The following BRINP1 variants were observed in gnomAD, a reference collection of about 807,000 sequenced individuals.
BRINP1 encodes BMP/retinoic acid inducible neural specific 1, also known as BMP/retinoic acid-inducible neural-specific protein 1.
Under a neutral mutation model 72.9 loss-of-function variants are expected in BRINP1, and 17 were observed. The ratio of observed to expected loss-of-function variants is 0.23; its 90% CI spans 0.16 to 0.35. The LOEUF (loss-of-function observed/expected upper bound fraction) is 0.35. BRINP1 is among the 10% of genes least tolerant of loss of function. The pLI, the probability that BRINP1 is intolerant of heterozygous loss-of-function variation, is 1.00. For synonymous variants in BRINP1, 418 were observed against 378.5 expected, an observed-to-expected ratio of 1.10 and a Z score of -1.21; for missense variants, 850 against 1,001.6, an observed-to-expected ratio of 0.85 and a Z score of 2.04.
intron 1 of BRINP1, among the ~76,000 whole-genome samples, chr9:119,364,700 G>A (rs1831673465): frequency 6.6e-6 from 1 of 152,132 alleles, no homozygotes; most frequent in African/African-American, 2.4e-5. Context: ...AACCAACCTG[G>A]GCTTCACTTT....
intron 7 of BRINP1, among the ~76,000 whole-genome samples, chr9:119,208,122 AC>A (rs1829877922): frequency 6.6e-6 from 1 of 152,120 alleles, no homozygotes; most frequent in African/African-American, 2.4e-5. Flanking sequence ...CTAGCAGAAT[AC>A]CCGGTATATC....
intron 7 of BRINP1, among the ~76,000 whole-genome samples, chr9:119,199,034 A>G (rs1235471716): frequency 6.6e-6 from 1 of 152,188 alleles, no homozygotes; most frequent in Non-Finnish European, 1.5e-5. Context: ...TTTCCCATAT[A>G]TCATATGAAT....
intron 3 of BRINP1, among the ~76,000 whole-genome samples, chr9:119,244,501 T>C (rs1830292564): frequency 6.6e-6 from 1 of 151,954 alleles, no homozygotes; most frequent in African/African-American, 2.4e-5. Flanking sequence ...AGTGGATGGG[T>C]GTATAGATGA....
At chr9:119,279,751 A>C (rs972934284) in intron 2 of BRINP1, among the ~76,000 whole-genome samples, 1 of 152,240 alleles carries the variant, frequency 6.6e-6, no homozygotes, top group African/African-American at 2.4e-5. Flanking sequence ...CATGCTTAAA[A>C]TGTTTGCATG....
At chr9:119,277,845 AT>A (rs1830671896) in intron 2 of BRINP1, among the ~76,000 whole-genome samples, 1 of 152,194 alleles carries the variant, frequency 6.6e-6, no homozygotes, top group Non-Finnish European at 1.5e-5. Context: ...TGGGAAGTCC[AT>A]CCTATCTTCC....
intron 2 of BRINP1, among the ~76,000 whole-genome samples, chr9:119,312,059 T>C (rs1831074234): frequency 6.6e-6 from 1 of 152,338 alleles, no homozygotes; most frequent in African/African-American, 2.4e-5. Flanking sequence ...AAGTGCTCAC[T>C]AAAAGGATGC....
chr9:119,254,521 G>C (rs961064344), intron 2 of BRINP1, among the ~76,000 whole-genome samples: 1 of 152,180 alleles, frequency 6.6e-6, no homozygotes, highest in African/African-American at 2.4e-5. Context: ...AATGAGTAGA[G>C]GGGTGATATG....
At chr9:119,222,992 G>A (rs777532109) in intron 5 of BRINP1, among the ~76,000 whole-genome samples, 2 of 151,904 alleles carry the variant, frequency 1.3e-5, no homozygotes, top group Non-Finnish European at 2.9e-5. Flanking sequence ...ATCAGCTGAT[G>A]TCTTCAAATT....
chr9:119,188,262 C>T (rs1255106133), intron 7 of BRINP1, among the ~76,000 whole-genome samples: 2 of 152,076 alleles, frequency 1.3e-5, no homozygotes, highest in African/African-American at 2.4e-5. Flanking sequence ...CCACAAGGCA[C>T]ATTATAATCA....
At chr9:119,187,253 C>T (rs920811707) in intron 7 of BRINP1, among the ~76,000 whole-genome samples, 1 of 151,848 alleles carries the variant, frequency 6.6e-6, no homozygotes, top group Non-Finnish European at 1.5e-5. Flanking sequence ...GAAAACAGTG[C>T]CACTATGGCT....
chr9:119,199,838 G>A (rs893389441), intron 7 of BRINP1, among the ~76,000 whole-genome samples: 2 of 146,898 alleles, frequency 1.4e-5, no homozygotes, highest in Non-Finnish European at 3.0e-5. Context: ...ATTTCCCAAA[G>A]TAATAGACTT....
At chr9:119,238,156 CTTT>C (rs1198405871) in intron 5 of BRINP1, among the ~76,000 whole-genome samples, 2 of 149,290 alleles carry the variant, frequency 1.3e-5, no homozygotes, top group African/African-American at 4.9e-5. Context: ...AAAATCCTTA[CTTT>C]TTTTGATATA....
At chr9:119,188,975 G>T (rs1829655221) in intron 7 of BRINP1, among the ~76,000 whole-genome samples, 2 of 152,074 alleles carry the variant, frequency 1.3e-5, no homozygotes. Flanking sequence ...GACCAAAAAT[G>T]ACTGTAGCCA....
chr9:119,233,716 C>T (rs1198578901), intron 5 of BRINP1, among the ~76,000 whole-genome samples: 1 of 152,220 alleles, frequency 6.6e-6, no homozygotes, highest in African/African-American at 2.4e-5. Flanking sequence ...AAAGCAAACA[C>T]ATCCATGTAT....
chr9:119,274,939 T>G (rs1428234135), intron 2 of BRINP1, among the ~76,000 whole-genome samples: 3 of 152,188 alleles, frequency 2.0e-5, no homozygotes, highest in African/African-American at 7.2e-5. Context: ...GTGTACATTA[T>G]TTAATGTATG....
intron 2 of BRINP1, among the ~76,000 whole-genome samples, chr9:119,260,449 A>G (rs1446744094): frequency 6.6e-6 from 1 of 152,216 alleles, no homozygotes; most frequent in Non-Finnish European, 1.5e-5. Context: ...TGACCCAGAC[A>G]TCAAATAATA....
chr9:119,192,919 GCTC>G (rs1829696831), intron 7 of BRINP1, among the ~76,000 whole-genome samples: 1 of 151,986 alleles, frequency 6.6e-6, no homozygotes, highest in South Asian at 2.1e-4. Context: ...CTGGGAACTG[GCTC>G]CTCAACCCCC....
At chr9:119,302,200 C>T (rs1830945647) in intron 2 of BRINP1, among the ~76,000 whole-genome samples, 2 of 152,180 alleles carry the variant, frequency 1.3e-5, no homozygotes, top group Non-Finnish European at 2.9e-5. Flanking sequence ...GAACACAATA[C>T]ATTCCTTTCA....
chr9:119,283,044 G>T (rs1830728844), intron 2 of BRINP1: 1 of 985,332 alleles, frequency 1.0e-6, no homozygotes, highest in Admixed American at 6.1e-5. Context: ...GACAGGACTT[G>T]ACCAAGGATA....
Sources: allele counts gnomAD v4.1 joint callset (sites outside exome capture counted in the v4.1 genomes callset), GRCh38; gene constraint gnomAD v4.1.1; transcripts MANE v1.5; gene names NCBI Gene and HGNC (gene_info 2026-07-23, HGNC 2026-07-21).